Variants in CDH18 observed in about 807,000 individuals in gnomAD.
CDH18 encodes cadherin-18.
CDH18 carries 31 observed loss-of-function variants against 67.9 expected under a neutral mutation model. That is an observed-to-expected ratio of 0.46 (90% confidence interval 0.34 to 0.62). CDH18 has a LOEUF of 0.62. Among genes scored for constraint, CDH18 ranks in the 20% least tolerant of loss-of-function variants. The pLI, the probability that CDH18 is intolerant of heterozygous loss-of-function variation, is 0.01. For synonymous variants in CDH18, 362 were observed against 347.2 expected (o/e 1.04, Z -0.48); for missense variants, 890 against 975.5 (o/e 0.91, Z 1.17).
At chr5:20,437,075 T>TTAGA (rs1207918635) in intron 1 of CDH18, among the ~76,000 whole-genome samples, 3 of 151,486 alleles carry the variant, frequency 2.0e-5, no homozygotes, top group Non-Finnish European at 3.0e-5. Context: ...TAACAAATTG[T>TTAGA]TAGATAGACA....
chr5:19,816,903 T>G (rs1424894269), intron 3 of CDH18, among the ~76,000 whole-genome samples: 1 of 151,802 alleles, frequency 6.6e-6, no homozygotes, highest in Admixed American at 6.6e-5. Context: ...ATAATAATTT[T>G]ATTAAACAAA....
At chr5:20,239,504 T>C (rs1742728867) in intron 2 of CDH18, among the ~76,000 whole-genome samples, 1 of 151,976 alleles carries the variant, frequency 6.6e-6, no homozygotes, top group African/African-American at 2.4e-5. Flanking sequence ...AAATGCAAAG[T>C]AATTTATATT....
intron 2 of CDH18, among the ~76,000 whole-genome samples, chr5:20,225,663 G>A (rs1331438559): frequency 6.6e-6 from 1 of 152,140 alleles, no homozygotes; most frequent in African/African-American, 2.4e-5. Context: ...TCTGAAGTTA[G>A]TAGGGATTCG....
At chr5:20,176,692 T>C (rs996589503) in intron 2 of CDH18, among the ~76,000 whole-genome samples, 1 of 152,024 alleles carries the variant, frequency 6.6e-6, no homozygotes, top group Non-Finnish European at 1.5e-5. Context: ...TTAAATACAG[T>C]TTTTGCTTTA....
intron 5 of CDH18, among the ~76,000 whole-genome samples, chr5:19,621,060 C>T (rs1421696135): frequency 2.6e-5 from 4 of 152,098 alleles, no homozygotes; most frequent in Non-Finnish European, 4.4e-5. Context: ...AAACTGTAGA[C>T]TTTCACAATA....
intron 2 of CDH18, among the ~76,000 whole-genome samples, chr5:20,152,327 T>C (rs372723592): frequency 4.7e-5 from 7 of 149,408 alleles, no homozygotes; most frequent in Non-Finnish European, 7.4e-5. Context: ...TATGAACAGA[T>C]ACATTTCTTT....
intron 12 of CDH18, among the ~76,000 whole-genome samples, chr5:19,481,456 T>A (rs1431369442): frequency 6.6e-6 from 1 of 152,196 alleles, no homozygotes; most frequent in Non-Finnish European, 1.5e-5. Flanking sequence ...ACGTACTGTG[T>A]CGAAGGGAGA....
At chr5:19,538,699 G>C (rs181414215) in intron 9 of CDH18, among the ~76,000 whole-genome samples, 165 of 152,110 alleles carry the variant, frequency 1.1e-3, no homozygotes, top group African/African-American at 3.9e-3. Context: ...TTGATATCTT[G>C]TATGACCCTG....
At chr5:20,547,859 C>T (rs184025171) in intron 1 of CDH18, among the ~76,000 whole-genome samples, 2 of 151,694 alleles carry the variant, frequency 1.3e-5, no homozygotes, top group Admixed American at 6.6e-5. Context: ...TCATAGAATC[C>T]CAGATACTTT....
intron 4 of CDH18, among the ~76,000 whole-genome samples, chr5:19,740,822 T>C (rs1262228042): frequency 6.6e-6 from 1 of 152,158 alleles, no homozygotes; most frequent in African/African-American, 2.4e-5. Flanking sequence ...CTGAAGACTA[T>C]ATAAATTAGG....
intron 10 of CDH18, among the ~76,000 whole-genome samples, chr5:19,507,328 C>A (rs138878352): frequency 0.21 from 32,341 of 152,006 alleles, 3,724 homozygotes; most frequent in African/African-American, 0.28. Context: ...TAGTTCAACC[C>A]TTGTGGAAGT....
intron 2 of CDH18, among the ~76,000 whole-genome samples, chr5:19,933,765 T>A (rs1793952103): frequency 6.6e-6 from 1 of 151,490 alleles, no homozygotes; most frequent in South Asian, 2.1e-4. Flanking sequence ...TTCTGGCACA[T>A]TTTAGCGTCC....
intron 2 of CDH18, among the ~76,000 whole-genome samples, chr5:20,025,955 G>A (rs917491656): frequency 6.6e-6 from 1 of 152,046 alleles, no homozygotes; most frequent in Non-Finnish European, 1.5e-5. Context: ...AATATCCACC[G>A]ACTACTATGT....
chr5:20,304,365 A>C (rs1736228543), intron 1 of CDH18: 6 of 1,495,306 alleles, frequency 4.0e-6, no homozygotes, highest in Non-Finnish European at 5.6e-6. Flanking sequence ...AATAGTTTAC[A>C]CTTTTTGGAG....
At chr5:20,348,307 CAT>C (rs1193229887) in intron 1 of CDH18, among the ~76,000 whole-genome samples, 1 of 152,084 alleles carries the variant, frequency 6.6e-6, no homozygotes, top group Non-Finnish European at 1.5e-5. Flanking sequence ...CAAAGGCAAA[CAT>C]GTAGGCAAAT....
intron 8 of CDH18, among the ~76,000 whole-genome samples, chr5:19,563,049 T>C (rs549098085): frequency 6.6e-6 from 1 of 152,152 alleles, no homozygotes; most frequent in African/African-American, 2.4e-5. Context: ...ATGTGTGGAG[T>C]AAACCCATAA....
intron 1 of CDH18, among the ~76,000 whole-genome samples, chr5:20,405,596 G>T (rs1475091735): frequency 1.3e-5 from 2 of 152,010 alleles, no homozygotes; most frequent in African/African-American, 2.4e-5. Flanking sequence ...TGGGATCTAA[G>T]TAAACTAAAG....
chr5:20,387,058 C>T (rs911993082), intron 1 of CDH18, among the ~76,000 whole-genome samples: 11 of 151,974 alleles, frequency 7.2e-5, no homozygotes, highest in African/African-American at 1.5e-4. Flanking sequence ...ATAAAGGACC[C>T]GAGAGTAAAT....
intron 1 of CDH18, among the ~76,000 whole-genome samples, chr5:20,544,378 A>G (rs1176492944): frequency 6.6e-6 from 1 of 152,216 alleles, no homozygotes; most frequent in Non-Finnish European, 1.5e-5. Context: ...AAGAATGTAC[A>G]CACATATGTG....
Sources: allele counts gnomAD v4.1 joint callset (sites outside exome capture counted in the v4.1 genomes callset), GRCh38; gene constraint gnomAD v4.1.1; transcripts MANE v1.5; gene names NCBI Gene and HGNC (gene_info 2026-07-23, HGNC 2026-07-21).